The following PRKCQ variants were observed in gnomAD, a reference collection of about 807,000 sequenced individuals.
PRKCQ encodes protein kinase C theta.
In PRKCQ, 41 loss-of-function variants were observed where a neutral mutation model predicts 91.2. The ratio of observed to expected loss-of-function variants is 0.45; its 90% CI spans 0.35 to 0.58. The LOEUF is 0.58. Among genes scored for constraint, PRKCQ ranks in the 20% least tolerant of loss-of-function variants. The pLI, the probability that PRKCQ is intolerant of heterozygous loss-of-function variation, is 0.00. For missense variants in PRKCQ, 673 were observed against 896.5 expected (o/e 0.75, Z 3.18); for synonymous variants, 307 against 316.9 (o/e 0.97, Z 0.33).
intron 1 of PRKCQ, among the ~76,000 whole-genome samples, chr10:6,548,252 T>C (rs1840042340): frequency 1.3e-5 from 2 of 151,182 alleles, no homozygotes; most frequent in South Asian, 4.2e-4. Flanking sequence ...GGAGAGGATG[T>C]GGAGAAATAG....
intron 1 of PRKCQ, among the ~76,000 whole-genome samples, chr10:6,538,627 C>T (rs1447124803): frequency 1.3e-5 from 2 of 152,180 alleles, no homozygotes; most frequent in African/African-American, 4.8e-5. Flanking sequence ...ACATTGACGT[C>T]ACCAAAGTGA....
intron 1 of PRKCQ, among the ~76,000 whole-genome samples, chr10:6,539,496 G>A (rs1464400319): frequency 1.3e-5 from 2 of 151,876 alleles, no homozygotes; most frequent in African/African-American, 2.4e-5. Flanking sequence ...TAATGCCTGA[G>A]GACCTGTCAC....
chr10:6,570,783 G>T (rs1476779191), intron 1 of PRKCQ, among the ~76,000 whole-genome samples: 4 of 152,030 alleles, frequency 2.6e-5, no homozygotes, highest in African/African-American at 9.7e-5. Flanking sequence ...TAAAACTCCT[G>T]GCCTCAAGTG....
At chr10:6,519,667 T>C (rs1331028528) in intron 1 of PRKCQ, among the ~76,000 whole-genome samples, 3 of 152,156 alleles carry the variant, frequency 2.0e-5, no homozygotes, top group Non-Finnish European at 2.9e-5. Context: ...CTAAATGTCA[T>C]TGTGTCCTAT....
At chr10:6,575,231 C>T (rs1213893305) in intron 1 of PRKCQ, among the ~76,000 whole-genome samples, 1 of 152,184 alleles carries the variant, frequency 6.6e-6, no homozygotes, top group Non-Finnish European at 1.5e-5. Context: ...GTGGGTTTTG[C>T]AGCACGGTGT....
In PRKCQ at chr10:6,465,784, T is replaced by A. The variant is rs1221456287; in HGVS notation, c.1354-1380A>T. 6.6e-6 allele frequency among the ~76,000 whole-genome samples: 1 copy of A among 152,236 alleles called. No homozygotes were observed. The highest frequency in any genetic ancestry group is 1.5e-5 in the Non-Finnish European group (1 of 68,034). On this transcript the variant is annotated intron_variant, in intron 12 of 17. Transcript: ENST00000263125. This position sits in a 1 kb window ranked among gnomAD's most constrained non-coding sequence, Gnocchi z 4.4. ...GTGGCAATTATCTCAATAATCCAGGTCAAGGTAAGCATCCGTCTTTTTTCA... is the reference window on the plus strand; with the variant it reads ...GTGGCAATTATCTCAATAATCCAGGACAAGGTAAGCATCCGTCTTTTTTCA...
At chr10:6,394,610 T>C in the PRKCQ span, among the ~76,000 whole-genome samples, 2 of 151,728 alleles carry the variant, frequency 1.3e-5, no homozygotes, top group Non-Finnish European at 1.5e-5. Flanking sequence ...CAGATACGTG[T>C]TGTAAATACA....
At position 6,443,326 on chromosome 10, in the gene PRKCQ, C is replaced by T. The variant is rs181998065; in HGVS notation, c.1648-1245G>A. Among the ~76,000 whole-genome samples, 15 of 152,230 alleles carry T rather than the reference C, an allele frequency of 9.9e-5. No homozygotes were observed. The East Asian group carries it at 1.5e-3, about 16-fold the overall frequency. ...AATGTGCCGGTGGGTAAATTACCAA[C>T]GGAAATAAAACCAGTATGTAGAGGA... is the stretch of plus-strand genomic sequence containing the variant. On this transcript the variant is annotated intron_variant, in intron 15 of 17. Coordinates refer to ENST00000263125, the MANE Select transcript of PRKCQ (RefSeq NM_006257.5).
chr10:6,444,123 T>A (rs1834112760), intron 15 of PRKCQ, among the ~76,000 whole-genome samples: 1 of 152,200 alleles, frequency 6.6e-6, no homozygotes, highest in Non-Finnish European at 1.5e-5. Flanking sequence ...CAGGCTGGAG[T>A]GCAGTGGCAC....
chr10:6,444,339 G>A (rs534718030), intron 15 of PRKCQ, among the ~76,000 whole-genome samples: 1 of 152,168 alleles, frequency 6.6e-6, no homozygotes, highest in African/African-American at 2.4e-5. Flanking sequence ...AAAGTGCTGG[G>A]ATTAACCGCA....
At chr10:6,546,283 G>A (rs1410924682) in intron 1 of PRKCQ, among the ~76,000 whole-genome samples, 2 of 152,184 alleles carry the variant, frequency 1.3e-5, no homozygotes, top group South Asian at 2.1e-4. Context: ...AAAATGGGGT[G>A]CCAGTGGGAT....
At chr10:6,530,024 ACATTT>A (rs1839334630) in intron 1 of PRKCQ, among the ~76,000 whole-genome samples, 1 of 152,162 alleles carries the variant, frequency 6.6e-6, no homozygotes, top group South Asian at 2.1e-4. Context: ...AGTGACACAC[ACATTT>A]GTTTTTTGCT....
chr10:6,453,814 C>T (rs1047983453), intron 15 of PRKCQ, among the ~76,000 whole-genome samples: 2 of 151,636 alleles, frequency 1.3e-5, no homozygotes, highest in Admixed American at 6.6e-5. Context: ...AGTAAACTAT[C>T]GCAAGGACAA....
chr10:6,528,948 T>C (rs1839292011), intron 1 of PRKCQ, among the ~76,000 whole-genome samples: 3 of 152,224 alleles, frequency 2.0e-5, no homozygotes, highest in Admixed American at 1.3e-4. Context: ...ATGATCTTTC[T>C]TTCTACTCCA....
chr10:6,448,446 G>A (rs900718693), intron 15 of PRKCQ, among the ~76,000 whole-genome samples: 3 of 151,562 alleles, frequency 2.0e-5, no homozygotes, highest in African/African-American at 7.3e-5. Context: ...GTCTCACTCT[G>A]TCACCAAGCT....
At chr10:6,522,562 A>G (rs1839053893) in intron 1 of PRKCQ, among the ~76,000 whole-genome samples, 1 of 152,236 alleles carries the variant, frequency 6.6e-6, no homozygotes, top group Non-Finnish European at 1.5e-5. Flanking sequence ...ATAGAAAGCA[A>G]TAGAAGTATA....
intron 15 of PRKCQ, among the ~76,000 whole-genome samples, chr10:6,444,472 AT>A (rs899651574): frequency 4.6e-5 from 7 of 152,078 alleles, no homozygotes; most frequent in Non-Finnish European, 2.9e-5. Context: ...GGCACATAAA[AT>A]TTTTTTTAAT....
chr10:6,485,293 A>G, intron 9 of PRKCQ, 24 bp from the exon 10 acceptor site: 2 of 1,582,136 alleles, frequency 1.3e-6, no homozygotes, highest in Non-Finnish European at 1.7e-6. Flanking sequence ...AGAGAGTCAG[A>G]CCACCCACCC....
intron 1 of PRKCQ, among the ~76,000 whole-genome samples, chr10:6,561,381 A>C (rs1287576591): frequency 6.6e-6 from 1 of 151,216 alleles, no homozygotes; most frequent in African/African-American, 2.4e-5. Context: ...AAAAAAAAAA[A>C]AAAAAAAAAA....
Sources: allele counts gnomAD v4.1 joint callset (sites outside exome capture counted in the v4.1 genomes callset), GRCh38; gene constraint gnomAD v4.1.1; non-coding constraint Gnocchi (gnomAD v3.1); transcripts MANE v1.5; gene names NCBI Gene and HGNC (gene_info 2026-07-23, HGNC 2026-07-21).